The following ZNF44 variants were observed in gnomAD, a reference collection of about 807,000 sequenced individuals.
ZNF44 encodes zinc finger protein 44.
ZNF44 carries 9 observed loss-of-function variants against 11.7 expected under a neutral mutation model. The ratio of observed to expected loss-of-function variants is 0.77; its 90% confidence interval spans 0.46 to 1.35. ZNF44 has a LOEUF of 1.35. Ranked by LOEUF, ZNF44 falls within the 40% of genes most tolerant of loss-of-function variation. ZNF44 has a pLI of 0.00. For missense variants in ZNF44, 696 were observed against 743.1 expected, an observed-to-expected ratio of 0.94 and a Z score of 0.74; for synonymous variants, 224 against 242.7, an observed-to-expected ratio of 0.92 and a Z score of 0.72.
At chr19:12,261,644 A>C (rs1160708455) in intron 5 of ZNF44, among the ~76,000 whole-genome samples, 1 of 152,178 alleles carries the variant, frequency 6.6e-6, no homozygotes, top group Non-Finnish European at 1.5e-5. Context: ...TCTAACAATA[A>C]CAACAACAAC....
At chr19:12,284,695 G>A in intron 1 of ZNF44, 1 of 736,994 alleles carries the variant, frequency 1.4e-6, no homozygotes, top group South Asian at 1.5e-5. Flanking sequence ...GTTGCCATCG[G>A]GGACTACAAT....
At chr19:12,248,535 A>G in exon 8 of ZNF44, 1 of 1,290,912 alleles carries the variant, frequency 7.7e-7, no homozygotes, top group Non-Finnish European at 1.0e-6. Flanking sequence ...ATGATGGCTC[A>G]AGACTTTTCC....
chr19:12,239,567 C>CATT (rs1444598791), upstream of ZNF44, among the ~76,000 whole-genome samples: 1 of 123,648 alleles, frequency 8.1e-6, no homozygotes, highest in African/African-American at 3.5e-5. Context: ...GCCCAAGTTG[C>CATT]ATTTTTTTTT....
At chr19:12,290,651 G>A (rs1344332239) in intron 1 of ZNF44, among the ~76,000 whole-genome samples, 1 of 151,958 alleles carries the variant, frequency 6.6e-6, no homozygotes, top group Non-Finnish European at 1.5e-5. Flanking sequence ...AGTGAGCTGA[G>A]ATCACAGCAT....
At chr19:12,263,147 G>A (rs913896562) in intron 5 of ZNF44, among the ~76,000 whole-genome samples, 1 of 151,128 alleles carries the variant, frequency 6.6e-6, no homozygotes, top group East Asian at 2.0e-4. Flanking sequence ...GTGCAATGGC[G>A]CAATCTCCCG....
intron 1 of ZNF44, among the ~76,000 whole-genome samples, chr19:12,285,391 G>A (rs1259799701): frequency 6.6e-6 from 1 of 152,050 alleles, no homozygotes; most frequent in African/African-American, 2.4e-5. Context: ...GAGTAGCTGG[G>A]ATTACAGGCG....
chr19:12,237,564 C>A (rs1352512781), exon 1 of ZNF44: 1 of 153,628 alleles, frequency 6.5e-6, no homozygotes, highest in Non-Finnish European at 1.5e-5. Context: ...AGGCTGAATT[C>A]AGTGGGTTAG....
At chr19:12,280,917 G>A (rs1162614438) in intron 1 of ZNF44, among the ~76,000 whole-genome samples, 1 of 152,052 alleles carries the variant, frequency 6.6e-6, no homozygotes, top group African/African-American at 2.4e-5. Context: ...TAACATCTAT[G>A]CCCATAAAAC....
At chr19:12,277,304 T>C (rs187824915) in intron 1 of ZNF44, among the ~76,000 whole-genome samples, 1 of 152,312 alleles carries the variant, frequency 6.6e-6, no homozygotes, top group African/African-American at 2.4e-5. Context: ...AAAGAGATTT[T>C]ACCAACTAAA....
chr19:12,294,770 C>A lies in ZNF44; in HGVS notation c.-76G>T, dbSNP rs1364735488. 6.6e-7 allele frequency: 1 copy of A among 1,509,500 alleles called. No individual in the cohort carries two copies. Among genetic ancestry groups the A allele is most frequent in the Non-Finnish European group, 8.9e-7 (1 of 1,122,466 alleles). 93.5% of individuals were successfully genotyped at this position (1,509,500 alleles called of 1,614,324 possible). A position where few individuals can be genotyped will look rare whatever the true frequency, so the allele number is the denominator to read the frequency against. On this transcript the variant is annotated 5_prime_UTR_variant, in exon 1 of 4. Transcript: ENST00000355684. ...GGTCCCAGCGCGACAAAAGCCACCA[C>A]AGATGTCCCAGGGCGTCTCTCAGTG...
At chr19:12,290,123 C>A (rs187220803) in intron 1 of ZNF44, among the ~76,000 whole-genome samples, 3 of 152,080 alleles carry the variant, frequency 2.0e-5, no homozygotes, top group African/African-American at 7.2e-5. Flanking sequence ...TGGTGGCTCA[C>A]GCCTGTAATC....
chr19:12,274,190 T>C (rs1038225825), intron 3 of ZNF44, 127 bp from the exon 4 acceptor site: 1 of 749,122 alleles, frequency 1.3e-6, no homozygotes, highest in African/African-American at 1.8e-5. Context: ...TCAATGTGAA[T>C]GGACTGAATG....
intron 1 of ZNF44, among the ~76,000 whole-genome samples, chr19:12,282,596 A>T (rs1388072416): frequency 1.3e-5 from 2 of 151,724 alleles, no homozygotes; most frequent in Non-Finnish European, 2.9e-5. Flanking sequence ...TAATTTTTGT[A>T]TTTTTTAGTA....
rs1256612217 is a variant in ZNF44 at position 12,273,325 on chromosome 19, T to A, written c.930A>T (p.Thr310=). The A allele has an allele frequency of 6.2e-7, 1 of 1,614,004 alleles. No individual in the cohort carries two copies. Among genetic ancestry groups the A allele is most frequent in the Admixed American group, 1.7e-5 (1 of 60,014 alleles). The change falls in exon 4 of 4, where the codon ACA becomes ACT. Residue 310 remains threonine, a synonymous_variant. Transcript: ENST00000355684. ...ERIHTGEKPY[T]CKQCGKAFCH... is the part of the protein sequence containing the mutation. ...AAAACGCTTTCCCACACTGTTTACA[T>A]GTATAGGGTTTCTCTCCAGTGTGAA... is the stretch of plus-strand genomic sequence containing the variant.
rs146137156 is a variant in ZNF44, at chr19:12,289,578, C to A, written c.3+5114G>T. Among the ~76,000 whole-genome samples the A allele has an allele frequency of 4.6e-5, 7 of 151,762 alleles. No homozygotes were observed. In the East Asian group the frequency reaches 1.4e-3, roughly 29 times the overall value. On this transcript the variant is annotated intron_variant, in intron 1 of 3. Coordinates refer to ENST00000355684, the MANE Select transcript of ZNF44 (RefSeq NM_016264.4). Reference sequence around the variant, plus strand: ...ACAACTTTCCACCTAAGCTTTAAGACGCTTTCAGATCTTATACTTAGTGCT... The same window carrying A: ...ACAACTTTCCACCTAAGCTTTAAGAAGCTTTCAGATCTTATACTTAGTGCT...
At chr19:12,288,146 T>C (rs1967841798) in intron 1 of ZNF44, among the ~76,000 whole-genome samples, 1 of 152,210 alleles carries the variant, frequency 6.6e-6, no homozygotes, top group African/African-American at 2.4e-5. Context: ...GGGACCCTAC[T>C]GCAGATGCCA....
At chr19:12,284,440 G>C in intron 1 of ZNF44, 1 of 636,822 alleles carries the variant, frequency 1.6e-6, no homozygotes, top group Non-Finnish European at 2.9e-6. Flanking sequence ...GGCATCCGGG[G>C]CCGGGGCCGC....
At chr19:12,283,218 G>C (rs1021124257) in intron 1 of ZNF44, among the ~76,000 whole-genome samples, 1 of 152,216 alleles carries the variant, frequency 6.6e-6, no homozygotes, top group Admixed American at 6.5e-5. Flanking sequence ...AGACACACCA[G>C]AGCAGAGATA....
chr19:12,274,956 T>C lies in ZNF44; in HGVS notation c.191+17A>G, dbSNP rs1967148173. On this transcript the variant is annotated intron_variant, in intron 3 of 3. Transcript: ENST00000355684. ...ACACTGCAAGGACATCACCTGTCTC[T>C]TATAAGTACAAATTACCTTGGATTT... 6.4e-7 allele frequency: 1 copy of C among 1,572,476 alleles called. No homozygotes were observed. Among genetic ancestry groups the C allele is most frequent in the Non-Finnish European group, 8.6e-7 (1 of 1,156,864 alleles).
Sources: gnomAD v4.1 joint callset for allele counts (sites outside exome capture counted in the v4.1 genomes callset) on GRCh38, gnomAD v4.1.1 for gene constraint, MANE v1.5 for transcripts, NCBI Gene and HGNC (gene_info 2026-07-23, HGNC 2026-07-21) for gene names.